The following CD300LF variants were observed in gnomAD, a reference collection of about 807,000 sequenced individuals.
The protein encoded by CD300LF is CMRF35-like molecule 1.
Under a neutral mutation model 32.2 loss-of-function variants are expected in CD300LF, and 27 were observed. The ratio of observed to expected loss-of-function variants is 0.84; its 90% CI spans 0.62 to 1.15. The LOEUF (loss-of-function observed/expected upper bound fraction) is 1.15, where lower values mean the gene tolerates loss of function less well. Among genes scored for constraint, CD300LF ranks in the 50% most tolerant of loss-of-function variants. The pLI is 0.00. For missense variants in CD300LF, 348 were observed against 356.8 expected (o/e 0.98, Z 0.20); for synonymous variants, 139 against 143.2 (o/e 0.97, Z 0.21).
intron 1 of CD300LF, among the ~76,000 whole-genome samples, chr17:74,710,674 C>T (rs2033883392): frequency 6.8e-6 from 1 of 147,436 alleles, no homozygotes; most frequent in Non-Finnish European, 1.5e-5. Flanking sequence ...GCCTAACCAA[C>T]ATGGTAAAAC....
At chr17:74,697,190 C>T (rs968887017) in intron 4 of CD300LF, among the ~76,000 whole-genome samples, 8 of 152,200 alleles carry the variant, frequency 5.3e-5, no homozygotes, top group Non-Finnish European at 7.4e-5. Context: ...GTGATCCACC[C>T]GCCTCAACCT....
intron 1 of CD300LF, chr17:74,705,358 C>T (rs997583184): frequency 4.1e-5 from 27 of 658,668 alleles, no homozygotes; most frequent in East Asian, 8.3e-5. Context: ...AAAACAGCAA[C>T]GGCAACTGGT....
At chr17:74,699,522 A>G (rs994504928) in intron 3 of CD300LF, among the ~76,000 whole-genome samples, 30 of 152,254 alleles carry the variant, frequency 2.0e-4, no homozygotes, top group African/African-American at 7.0e-4. Context: ...ACACACAGGA[A>G]GAAGACCATG....
chr17:74,695,937 C>A (rs550576411), intron 5 of CD300LF, 78 bp from the exon 6 acceptor site: 1 of 1,511,254 alleles, frequency 6.6e-7, no homozygotes, highest in Non-Finnish European at 9.0e-7. Flanking sequence ...TGGGACGGGA[C>A]GAGAGCCTCT....
At position 74,706,698 on chromosome 17, in the gene CD300LF, G is replaced by GCAGTT. The variant is rs537573213; in HGVS notation, c.44-1887_44-1883dup. Among the ~76,000 whole-genome samples, 9 of 152,184 alleles carry GCAGTT rather than the reference G, an allele frequency of 5.9e-5. No homozygotes were observed. The South Asian group carries it at 1.9e-3, about 32-fold the overall frequency. Reference sequence around the variant, plus strand: ...ACAAAACAAAACAAAACAAAAACCAGCAGTTCAAGCACAACAACCAACGGC... The same window carrying GCAGTT: ...ACAAAACAAAACAAAACAAAAACCAGCAGTTCAGTTCAAGCACAACAACCAACGGC... On this transcript the variant is annotated intron_variant, in intron 1 of 6. Coordinates refer to ENST00000326165, the MANE Select transcript of CD300LF (RefSeq NM_139018.5).
chr17:74,705,075 C>A, intron 1 of CD300LF: 1 of 631,696 alleles, frequency 1.6e-6, no homozygotes, highest in Non-Finnish European at 2.9e-6. Flanking sequence ...TCCTGCAGTT[C>A]ACCCCTCTCT....
At chr17:74,712,779 C>T (rs2034064974) in intron 1 of CD300LF, 45 bp downstream of exon 1, 4 of 1,611,430 alleles carry the variant, frequency 2.5e-6, no homozygotes, top group Non-Finnish European at 3.4e-6. Flanking sequence ...CCACCTCCTC[C>T]TGCTTGCTAA....
intron 3 of CD300LF, among the ~76,000 whole-genome samples, chr17:74,702,698 C>T (rs528328896): frequency 9.9e-5 from 15 of 152,156 alleles, no homozygotes; most frequent in South Asian, 2.1e-4. Context: ...GCCAACTCAT[C>T]GGTCTCCCAC....
chr17:74,702,461 A>G (rs1211674628), intron 3 of CD300LF, among the ~76,000 whole-genome samples: 1 of 152,228 alleles, frequency 6.6e-6, no homozygotes, highest in Non-Finnish European at 1.5e-5. Flanking sequence ...AAAGAAAACA[A>G]AATAATGCAC....
intron 3 of CD300LF, among the ~76,000 whole-genome samples, chr17:74,701,148 G>A (rs946790978): frequency 6.6e-6 from 1 of 152,114 alleles, no homozygotes; most frequent in Non-Finnish European, 1.5e-5. Context: ...ATTTTGTTAG[G>A]GGCAACCCAA....
chr17:74,695,528 TG>T (rs1222868271), intron 6 of CD300LF, among the ~76,000 whole-genome samples, 196 bp downstream of exon 6: 1 of 152,206 alleles, frequency 6.6e-6, no homozygotes, highest in African/African-American at 2.4e-5. Flanking sequence ...GGACTGTGTT[TG>T]CCAGTCCCTG....
Position 74,698,645 on chromosome 17 carries a change from T to C in CD300LF, c.447-164A>G, listed in dbSNP as rs761065293. ...TCCTGGGGATCCTCAAAGATGGGTT[T>C]ACAATGAGTACACATAGACACAAAG... On this transcript the variant is annotated intron_variant, in intron 3 of 6. Transcript: ENST00000326165. The C allele has an allele frequency of 6.1e-4, 898 of 1,462,566 alleles. 3 individuals are homozygous for C. Among genetic ancestry groups the C allele is most frequent in the Non-Finnish European group, 7.6e-4 (841 of 1,108,302 alleles). 90.6% of individuals were successfully genotyped at this position (1,462,566 alleles called of 1,614,324 possible).
intron 1 of CD300LF, among the ~76,000 whole-genome samples, chr17:74,711,616 G>A (rs1443780064): frequency 6.6e-6 from 1 of 152,054 alleles, no homozygotes; most frequent in African/African-American, 2.4e-5. Context: ...TTCCTCAGAC[G>A]TGCCCAGTCC....
intron 1 of CD300LF, among the ~76,000 whole-genome samples, chr17:74,711,621 C>T (rs948257618): frequency 2.0e-5 from 3 of 152,148 alleles, no homozygotes; most frequent in Admixed American, 6.5e-5. Flanking sequence ...CAGACGTGCC[C>T]AGTCCAAGCT....
intron 3 of CD300LF, among the ~76,000 whole-genome samples, 174 bp downstream of exon 3, chr17:74,702,861 T>C (rs1337967704): frequency 6.6e-6 from 1 of 152,222 alleles, no homozygotes; most frequent in Non-Finnish European, 1.5e-5. Flanking sequence ...CTGTGGAGAC[T>C]GAAAGGACAC....
intron 3 of CD300LF, among the ~76,000 whole-genome samples, chr17:74,701,325 C>A (rs1404232261): frequency 1.3e-5 from 2 of 152,256 alleles, no homozygotes; most frequent in Non-Finnish European, 2.9e-5. Flanking sequence ...ATTCTTGTAC[C>A]CTTTTTAATT....
intron 3 of CD300LF, among the ~76,000 whole-genome samples, chr17:74,700,583 A>T (rs948092645): frequency 3.9e-5 from 6 of 152,068 alleles, no homozygotes; most frequent in Admixed American, 1.3e-4. Flanking sequence ...TCTACTAAAA[A>T]TACAAAATAA....
intron 6 of CD300LF, 114 bp from the exon 7 acceptor site, chr17:74,695,365 A>T: frequency 1.6e-6 from 2 of 1,275,028 alleles, no homozygotes. Flanking sequence ...TTCTAATCCC[A>T]CTCAAGCCCT....
intron 4 of CD300LF, among the ~76,000 whole-genome samples, chr17:74,696,903 T>TGTTTGGTTTGGTTTGGTTTG (rs72122986): frequency 1.4e-5 from 2 of 146,824 alleles, no homozygotes; most frequent in African/African-American, 2.6e-5. Flanking sequence ...GGACCGATTT[T>TGTTTGGTTTGGTTTGGTTTG]GTTTGGTTTG....
Sources: allele counts gnomAD v4.1 joint callset (sites outside exome capture counted in the v4.1 genomes callset), GRCh38; gene constraint gnomAD v4.1.1; transcripts MANE v1.5; gene names NCBI Gene and HGNC (gene_info 2026-07-23, HGNC 2026-07-21).